The following SOX6 variants were observed in gnomAD, a reference collection of about 807,000 sequenced individuals.
SOX6 encodes the protein transcription factor SOX-6.
A neutral mutation model predicts 97.8 loss-of-function variants in SOX6; 11 were observed. The ratio of observed to expected loss-of-function variants is 0.11; its 90% CI spans 0.07 to 0.19. SOX6 has a LOEUF of 0.19. SOX6 is among the 10% of genes least tolerant of loss of function. The pLI, the probability that SOX6 is intolerant of heterozygous loss-of-function variation, is 1.00. For missense variants in SOX6, 810 were observed against 1,039.5 expected (o/e 0.78, Z 3.04); for synonymous variants, 360 against 371.4 (o/e 0.97, Z 0.35).
intron 12 of SOX6, among the ~76,000 whole-genome samples, chr11:16,027,062 C>G (rs1383586857): frequency 6.6e-6 from 1 of 151,982 alleles, no homozygotes; most frequent in Non-Finnish European, 1.5e-5. Context: ...ATGTAGTTAC[C>G]ATAAAATAAC....
rs1483735901 is a variant in SOX6 at position 16,495,702 on chromosome 11, C to T, written n.610-19314G>A. ...ATGCAACACCCACTGGCCAGGGACC[C>T]AAAGACCCTTCCACCCACTCAGGCC... On this transcript the variant is annotated intron_variant and non_coding_transcript_variant, in intron 4 of 5. Coordinates refer to the SOX6 transcript ENST00000524520. Among the ~76,000 whole-genome samples the T allele has an allele frequency of 2.0e-5, 3 of 152,202 alleles. No homozygotes were observed. The East Asian group carries it at 5.8e-4, about 29-fold the overall frequency.
At chr11:16,699,036 C>T (rs1464304402) in intron 3 of SOX6, among the ~76,000 whole-genome samples, 1 of 152,084 alleles carries the variant, frequency 6.6e-6, no homozygotes, top group Admixed American at 6.5e-5. Context: ...TACTGGGTTG[C>T]CACAAACCTT....
At chr11:16,396,848 T>G (rs569264332) in intron 1 of SOX6, among the ~76,000 whole-genome samples, 2 of 151,634 alleles carry the variant, frequency 1.3e-5, no homozygotes, top group African/African-American at 4.8e-5. Flanking sequence ...TTTCACTTAA[T>G]TTTCTTTGTA....
At chr11:16,379,340 C>T (rs934545983) in intron 1 of SOX6, among the ~76,000 whole-genome samples, 2 of 151,952 alleles carry the variant, frequency 1.3e-5, no homozygotes, top group African/African-American at 2.4e-5. Flanking sequence ...GTGGCTCATG[C>T]CTGTAATCCC....
intron 1 of SOX6, among the ~76,000 whole-genome samples, chr11:16,466,634 A>C (rs1166522538): frequency 3.7e-4 from 56 of 151,674 alleles, no homozygotes; most frequent in South Asian, 2.1e-4. Flanking sequence ...AAGAAAAAAA[A>C]AAACAAACAA....
At chr11:16,318,421 G>A in intron 3 of SOX6, 25 bp downstream of exon 3, 1 of 1,605,726 alleles carries the variant, frequency 6.2e-7, no homozygotes. Context: ...AAAAAACAGA[G>A]CCCAACAGTG....
At chr11:16,104,822 T>A (rs915721806) in intron 7 of SOX6, among the ~76,000 whole-genome samples, 1 of 151,994 alleles carries the variant, frequency 6.6e-6, no homozygotes, top group South Asian at 2.1e-4. Flanking sequence ...CCTTAAAACA[T>A]GAATATTACC....
intron 3 of SOX6, among the ~76,000 whole-genome samples, chr11:16,281,332 C>G (rs1197040133): frequency 6.6e-6 from 1 of 151,932 alleles, no homozygotes; most frequent in African/African-American, 2.4e-5. Flanking sequence ...AACAGAGACC[C>G]CAAAATGCTA....
At chr11:16,036,582 G>T (rs75828774) in intron 12 of SOX6, among the ~76,000 whole-genome samples, 1 of 152,108 alleles carries the variant, frequency 6.6e-6, no homozygotes, top group Non-Finnish European at 1.5e-5. Context: ...ATAGAAATTG[G>T]TTAAGAGATT....
intron 4 of SOX6, among the ~76,000 whole-genome samples, chr11:16,604,871 C>A (rs1001819157): frequency 1.9e-4 from 29 of 152,244 alleles, no homozygotes; most frequent in Admixed American, 1.2e-3. Flanking sequence ...CTTTTATCTG[C>A]TCCGAACACA....
intron 1 of SOX6, among the ~76,000 whole-genome samples, chr11:16,431,108 C>T (rs1859264396): frequency 6.6e-6 from 1 of 152,076 alleles, no homozygotes; most frequent in South Asian, 2.1e-4. Flanking sequence ...GTTTGCTTCT[C>T]CACTTCTTTC....
At chr11:16,189,417 ATGTG>A (rs774040758) in intron 4 of SOX6, among the ~76,000 whole-genome samples, 81 of 39,448 alleles carry the variant, frequency 2.1e-3, no homozygotes, top group East Asian at 9.0e-3. Flanking sequence ...GTGTGTGTGC[ATGTG>A]TGTGTGTGTG....
chr11:16,623,151 G>A (rs1469641698), intron 3 of SOX6, among the ~76,000 whole-genome samples: 1 of 152,166 alleles, frequency 6.6e-6, no homozygotes, highest in East Asian at 1.9e-4. Flanking sequence ...CTCTCGGGTA[G>A]CTGGGATTAC....
At chr11:16,121,890 T>G (rs1261834791) in intron 6 of SOX6, among the ~76,000 whole-genome samples, 1 of 152,054 alleles carries the variant, frequency 6.6e-6, no homozygotes, top group African/African-American at 2.4e-5. Flanking sequence ...ATCTACTACC[T>G]TTTCAATCCA....
chr11:16,068,102 G>A (rs1391406867), intron 9 of SOX6, among the ~76,000 whole-genome samples: 1 of 152,156 alleles, frequency 6.6e-6, no homozygotes, highest in African/African-American at 2.4e-5. Context: ...GTAGGGTACG[G>A]TAGGGTAGGG....
At chr11:16,434,821 T>C (rs1859342959) in intron 1 of SOX6, among the ~76,000 whole-genome samples, 1 of 151,856 alleles carries the variant, frequency 6.6e-6, no homozygotes, top group Non-Finnish European at 1.5e-5. Flanking sequence ...CTACAATTTA[T>C]AAAATCAGCC....
Position 16,386,178 on chromosome 11 carries a change from G to C in SOX6, c.-4-44926C>G, listed in dbSNP as rs556805435. Among the ~76,000 whole-genome samples, 4 of 152,104 alleles carry C rather than the reference G, an allele frequency of 2.6e-5. No homozygotes were observed. The South Asian group carries it at 8.3e-4, about 32-fold the overall frequency. On this transcript the variant is annotated intron_variant, in intron 1 of 15. Transcript: ENST00000396356. ...TTTTGTTGTCGTTCTTATACATGTG[G>C]TTTTGCATTTAGCTTGGAAAGTGGG... is the stretch of plus-strand genomic sequence containing the variant.
intron 1 of SOX6, among the ~76,000 whole-genome samples, chr11:16,467,761 C>T (rs2133112612): frequency 6.6e-6 from 1 of 152,082 alleles, no homozygotes; most frequent in African/African-American, 2.4e-5. Context: ...TGTAATAAAC[C>T]CTGCACATGT....
chr11:16,123,229 A>G lies in SOX6; in HGVS notation c.778-11306T>C, dbSNP rs548391162. Among the ~76,000 whole-genome samples the G allele has an allele frequency of 3.4e-4, 52 of 152,232 alleles. 1 individual carries two copies. In the South Asian group the frequency reaches 6.2e-3, roughly 18 times the overall value. ...TAATAATATTTTTAAAAATTGTTAT[A>G]TCACTGTGAGCTCATTATGCAATAA... On this transcript the variant is annotated intron_variant, in intron 6 of 15. Coordinates refer to ENST00000683767, the MANE Select transcript of SOX6 (RefSeq NM_001367873.1).
Sources: allele counts gnomAD v4.1 joint callset (sites outside exome capture counted in the v4.1 genomes callset), GRCh38; gene constraint gnomAD v4.1.1; transcripts MANE v1.5; gene names NCBI Gene and HGNC (gene_info 2026-07-23, HGNC 2026-07-21).